FAAH: variants seen among roughly 807,000 people sequenced by gnomAD.
FAAH encodes the protein fatty-acid amide hydrolase 1.
In FAAH, 63 loss-of-function variants were observed where a neutral mutation model predicts 69.7. The ratio of observed to expected loss-of-function variants is 0.90; its 90% CI spans 0.74 to 1.12. The LOEUF is 1.12. FAAH is among the 50% of genes most tolerant of loss of function. The probability of loss-of-function intolerance (pLI) is 0.00; values close to 1 mark genes in which losing one functional copy is unlikely to be tolerated. For synonymous variants in FAAH, 305 were observed against 324.2 expected, an observed-to-expected ratio of 0.94 and a Z score of 0.64; for missense variants, 680 against 755.0, an observed-to-expected ratio of 0.90 and a Z score of 1.16.
rs779051252 is a variant in FAAH at position 46,405,141 on chromosome 1, C to T, written c.437C>T (p.Thr146Ile). 2 of 1,613,754 alleles carry T rather than the reference C, an allele frequency of 1.2e-6. No homozygotes were observed. The highest frequency in any genetic ancestry group is 2.2e-5 in the East Asian group (1 of 44,888). The change falls in exon 3 of 15, where the codon ACC becomes ATC. Residue 146 changes from threonine to isoleucine, a missense_variant. Thr to Ile is a moderately conservative substitution (Grantham distance 89, BLOSUM62 -1). Transcript: ENST00000243167. This position sits in a 1 kb window ranked among gnomAD's most constrained non-coding sequence, Gnocchi z 4.1. ...GVPVSLKECF[T>I]YKGQDSTLGL... ...CCTGTGAGCCTCAAGGAGTGCTTCA[C>T]CTACAAGGTATGCTCTGCCTCAGCG...
At chr1:46,395,888 C>T (rs1322253797) in intron 1 of FAAH, among the ~76,000 whole-genome samples, 1 of 152,190 alleles carries the variant, frequency 6.6e-6, no homozygotes, top group Non-Finnish European at 1.5e-5. Flanking sequence ...CCCTCCACAC[C>T]TGTGGGTATT....
rs1446145963 is a variant in FAAH, at chr1:46,404,701, CA to C, written c.310-312del. On this transcript the variant is annotated intron_variant, in intron 2 of 14. Coordinates refer to ENST00000243167, the MANE Select transcript of FAAH (RefSeq NM_001441.3). This position sits in a 1 kb window ranked among gnomAD's most constrained non-coding sequence, Gnocchi z 4.5. ...GGGAGGTGAGGGAGTGGCCAGTGGT[CA>C]TCTTCCTCCCAGCTCACCCCCTACC... is the stretch of plus-strand genomic sequence containing the variant. 6.6e-6 allele frequency among the ~76,000 whole-genome samples: 1 copy of C among 152,178 alleles called. No homozygotes were observed. Among genetic ancestry groups the C allele is most frequent in the Non-Finnish European group, 1.5e-5 (1 of 68,018 alleles).
At chr1:46,407,146 C>T (rs1664815143) in intron 7 of FAAH, among the ~76,000 whole-genome samples, 1 of 151,986 alleles carries the variant, frequency 6.6e-6, no homozygotes, top group South Asian at 2.1e-4. Context: ...CCCCAAAATA[C>T]CACCACAGCA....
At chr1:46,402,542 C>T (rs1217122740) in intron 2 of FAAH, among the ~76,000 whole-genome samples, 1 of 152,096 alleles carries the variant, frequency 6.6e-6, no homozygotes, top group Non-Finnish European at 1.5e-5. Context: ...GATGGAGTTT[C>T]GCTCTTGTTG....
At position 46,405,990 on chromosome 1, in the gene FAAH, C is replaced by G. The variant is rs749871059; in HGVS notation, c.786-48C>G. 6.2e-7 allele frequency: 1 copy of G among 1,613,742 alleles called. No homozygotes were observed. Among genetic ancestry groups the G allele is most frequent in the Non-Finnish European group, 8.5e-7 (1 of 1,179,904 alleles). The stretch of plus-strand genomic sequence containing the variant: ...AGCTGCTCTGTGGGTGTGGGGATGG[C>G]GGCGGGTGGCCATTTCCTGTTTCCA... On this transcript the variant is annotated intron_variant, in intron 5 of 14. Coordinates refer to ENST00000243167, the MANE Select transcript of FAAH (RefSeq NM_001441.3). The surrounding 1 kb of genome is among the most constrained non-coding windows in gnomAD (Gnocchi z 4.1).
chr1:46,395,848 G>A (rs1222504203), intron 1 of FAAH, among the ~76,000 whole-genome samples: 1 of 152,220 alleles, frequency 6.6e-6, no homozygotes, highest in Non-Finnish European at 1.5e-5. Flanking sequence ...CCAGCCCAGG[G>A]TGTAGCCCTG....
At chr1:46,397,184 AGCAGCGTGG>A (rs944357757) in intron 1 of FAAH, among the ~76,000 whole-genome samples, 3 of 152,214 alleles carry the variant, frequency 2.0e-5, no homozygotes, top group Non-Finnish European at 4.4e-5. Context: ...CAGCTCCAAG[AGCAGCGTGG>A]GCAGCACTAG....
chr1:46,408,605 A>G (rs1369774929), intron 8 of FAAH, 21 bp downstream of exon 8: 1 of 1,614,072 alleles, frequency 6.2e-7, no homozygotes, highest in South Asian at 1.1e-5. Context: ...AGGGTCCTGG[A>G]AGTACTGGCA....
intron 13 of FAAH, 104 bp downstream of exon 13, chr1:46,412,355 C>A: frequency 1.0e-6 from 1 of 971,428 alleles, no homozygotes; most frequent in Non-Finnish European, 1.6e-6. Context: ...CCTGCCCTCT[C>A]GGGGCCCACA....
chr1:46,396,378 AC>A (rs1231346130), intron 1 of FAAH, among the ~76,000 whole-genome samples: 2 of 152,194 alleles, frequency 1.3e-5, no homozygotes, highest in African/African-American at 2.4e-5. Flanking sequence ...TCTTATCTCA[AC>A]TGCAAAGAGG....
rs899835591 is a variant in FAAH, at chr1:46,405,194, T to C, written c.444+46T>C. 5.0e-6 allele frequency: 8 copies of C among 1,613,236 alleles called. No homozygotes were observed. The highest frequency in any genetic ancestry group is 1.3e-5 in the African/African-American group (1 of 74,916). On this transcript the variant is annotated intron_variant, in intron 3 of 14. Coordinates refer to ENST00000243167, the MANE Select transcript of FAAH (RefSeq NM_001441.3). The surrounding 1 kb of genome is among the most constrained non-coding windows in gnomAD (Gnocchi z 4.1). ...AGGCCTCCATCGTCCCCTCCATCCCTGCCAGCCTGCTCTGCATCTTGGGTC... is the reference window on the plus strand; with the variant it reads ...AGGCCTCCATCGTCCCCTCCATCCCCGCCAGCCTGCTCTGCATCTTGGGTC...
chr1:46,401,183 AG>A (rs1403470257), intron 1 of FAAH, among the ~76,000 whole-genome samples: 1 of 89,624 alleles, frequency 1.1e-5, no homozygotes, highest in East Asian at 3.4e-4. Context: ...GAGTAGAAGC[AG>A]GGTTGGAGGG....
chr1:46,410,993 G>C lies in FAAH; in HGVS notation c.1316+139G>C. The C allele has an allele frequency of 1.0e-6, 1 of 992,340 alleles. No homozygotes were observed. Among genetic ancestry groups the C allele is most frequent in the Non-Finnish European group, 1.6e-6 (1 of 631,930 alleles). The allele number at this position is 992,340 out of a possible 1,614,324, so 61.5% of individuals were successfully genotyped here. A position where few individuals can be genotyped will look rare whatever the true frequency, so the allele number is the denominator to read the frequency against. ...TGGCCCAGGCAGGGGGGCAACCTTTGTGGCCTTCAGATGGGACTTTGAAGT... is the reference window on the plus strand; with the variant it reads ...TGGCCCAGGCAGGGGGGCAACCTTTCTGGCCTTCAGATGGGACTTTGAAGT... On this transcript the variant is annotated intron_variant, in intron 11 of 14. Transcript: ENST00000243167. This position sits in a 1 kb window ranked among gnomAD's most constrained non-coding sequence, Gnocchi z 4.9.
Position 46,396,430 on chromosome 1 carries a change from C to T in FAAH, c.195+1887C>T, listed in dbSNP as rs556224406. Among the ~76,000 whole-genome samples, 22 of 152,294 alleles carry T rather than the reference C, an allele frequency of 1.4e-4. No homozygotes were observed. The South Asian group carries it at 1.7e-3, about 11-fold the overall frequency. On this transcript the variant is annotated intron_variant, in intron 1 of 14. Transcript: ENST00000243167. ...GATCCTCCTCAGCACAGACCCTTTA[C>T]GGGTATCGGGCTGAGGTATGGTCAG...
Position 46,410,378 on chromosome 1 carries a change from C to T in FAAH, c.1176-20C>T, listed in dbSNP as rs767807498. 7 of 1,605,962 alleles carry T rather than the reference C, an allele frequency of 4.4e-6. No homozygotes were observed. In the South Asian group the frequency reaches 5.5e-5, roughly 13 times the overall value. On this transcript the variant is annotated intron_variant, in intron 9 of 14. Coordinates refer to ENST00000243167, the MANE Select transcript of FAAH (RefSeq NM_001441.3). This position sits in a 1 kb window ranked among gnomAD's most constrained non-coding sequence, Gnocchi z 4.9. ...GGATGTGGGGATGGGAGTGCCTGGA[C>T]CGAGCATTTTGTTTCCCAGCAAAGG...
rs1034944016 is a variant in FAAH at position 46,410,540 on chromosome 1, A to T, written c.1275+43A>T. 1.1e-5 allele frequency: 17 copies of T among 1,559,592 alleles called. No homozygotes were observed. Among genetic ancestry groups the T allele is most frequent in the Non-Finnish European group, 1.5e-5 (17 of 1,132,390 alleles). On this transcript the variant is annotated intron_variant, in intron 10 of 14. Coordinates refer to ENST00000243167, the MANE Select transcript of FAAH (RefSeq NM_001441.3). This position sits in a 1 kb window ranked among gnomAD's most constrained non-coding sequence, Gnocchi z 4.9. ...GGAGGGGCTAGGATGGCTGGGGGGG[A>T]ACCTAGGGCCTCCTATCGCATGATC...
rs372799954 is a variant in FAAH, at chr1:46,405,766, G to A, written c.757G>A (p.Gly253Ser). 7 of 1,613,352 alleles carry A rather than the reference G, an allele frequency of 4.3e-6. No homozygotes were observed. Among genetic ancestry groups the A allele is most frequent in the Admixed American group, 1.7e-5 (1 of 60,012 alleles). Residue 253 changes from glycine (G) to serine (S), a missense_variant, in exon 5 of 15, where the codon GGC (glycine) becomes AGC (serine). Physicochemically the swap from Gly to Ser is moderately conservative, Grantham distance 56. Transcript: ENST00000243167. The surrounding 1 kb of genome is among the most constrained non-coding windows in gnomAD (Gnocchi z 4.1). ...CCCCTCCTCCTTCTGCGGCATCTGC[G>A]GCCTCAAGCCCACAGGGAACCGCCT... ...RFPSSFCGIC[G>S]LKPTGNRLSK... is the part of the protein sequence containing the mutation.
chr1:46,412,990 C>A, intron 13 of FAAH, 85 bp from the exon 14 acceptor site: 1 of 1,513,468 alleles, frequency 6.6e-7, no homozygotes. Flanking sequence ...ACACAGGGTG[C>A]CATTTCATAT....
In FAAH at chr1:46,413,131, C is replaced by G; in HGVS notation, c.1522C>G (p.Pro508Ala). 1 of 1,614,124 alleles carries G rather than the reference C, an allele frequency of 6.2e-7. No homozygotes were observed. Among genetic ancestry groups the G allele is most frequent in the Non-Finnish European group, 8.5e-7 (1 of 1,179,980 alleles). Residue 508 changes from proline (P) to alanine (A), a missense_variant, in exon 14 of 15, where the codon CCT (proline) becomes GCT (alanine). Coordinates refer to ENST00000243167, the MANE Select transcript of FAAH (RefSeq NM_001441.3). ...NCLDFPAGVVPVTTVTAEDEA... is the reference protein window; with the variant it reads ...NCLDFPAGVVAVTTVTAEDEA... ...CCTGGACTTCCCTGCAGGGGTGGTG[C>G]CTGTCACCACGGTGACTGCTGAGGA...
Sources: allele counts gnomAD v4.1 joint callset (sites outside exome capture counted in the v4.1 genomes callset), GRCh38; gene constraint gnomAD v4.1.1; non-coding constraint Gnocchi (gnomAD v3.1); transcripts MANE v1.5; gene names NCBI Gene and HGNC (gene_info 2026-07-23, HGNC 2026-07-21).